The following PIK3C2G variants were observed in gnomAD, a reference collection of about 807,000 sequenced individuals.
PIK3C2G encodes phosphatidylinositol 3-kinase C2 domain-containing subunit gamma.
A neutral mutation model predicts 181.1 loss-of-function variants in PIK3C2G; 168 were observed. The ratio of observed to expected loss-of-function variants is 0.93; its 90% CI spans 0.82 to 1.05. The LOEUF (loss-of-function observed/expected upper bound fraction) is 1.05. Ranked by LOEUF, PIK3C2G falls within the 50% of genes least tolerant of loss-of-function variation. The probability of loss-of-function intolerance (pLI) is 0.00; values close to 1 mark genes in which losing one functional copy is unlikely to be tolerated. For synonymous variants in PIK3C2G, 573 were observed against 592.2 expected, an observed-to-expected ratio of 0.97 and a Z score of 0.47; for missense variants, 1,869 against 1,732.8, an observed-to-expected ratio of 1.08 and a Z score of -1.40.
chr12:18,343,397 G>GA lies in PIK3C2G; in HGVS notation c.1429+44dup, dbSNP rs111569198. 3.5e-5 allele frequency: 39 copies of GA among 1,118,932 alleles called. 2 individuals carry two copies. Among genetic ancestry groups the GA allele is most frequent in the African/African-American group, 3.2e-4 (20 of 62,074 alleles). 69.3% of individuals were successfully genotyped at this position (1,118,932 alleles called of 1,614,324 possible). A position where few individuals can be genotyped will look rare whatever the true frequency, so the allele number is the denominator to read the frequency against. On this transcript the variant is annotated intron_variant, in intron 10 of 32. Transcript: ENST00000538779. ...ATGTACTCAAGTATTTTGAAATAAA[G>GA]AAAAAAATAAGTTACAGAATCCAAA...
chr12:18,468,264 G>A (rs1233437285), intron 18 of PIK3C2G, among the ~76,000 whole-genome samples: 3 of 152,040 alleles, frequency 2.0e-5, no homozygotes, highest in African/African-American at 7.2e-5. Context: ...CTGGTCCAGA[G>A]CTCCAACTCT....
At chr12:18,656,957 A>G in the PIK3C2G span, among the ~76,000 whole-genome samples, 3 of 152,258 alleles carry the variant, frequency 2.0e-5, no homozygotes, top group Middle Eastern at 3.4e-3. Context: ...AGGCAGCCCT[A>G]ATGACAGCAG....
At chr12:18,384,728 C>T (rs961118254) in intron 14 of PIK3C2G, among the ~76,000 whole-genome samples, 21 of 152,218 alleles carry the variant, frequency 1.4e-4, no homozygotes, top group Admixed American at 8.5e-4. Context: ...ATAGTGGCAC[C>T]GATTTCCACG....
chr12:18,568,433 A>G (rs951509756), intron 29 of PIK3C2G, among the ~76,000 whole-genome samples: 2 of 150,246 alleles, frequency 1.3e-5, no homozygotes, highest in East Asian at 1.9e-4. Flanking sequence ...TGTGAGACAG[A>G]GAGAGAAAGA....
chr12:18,566,413 A>G (rs547608878), intron 28 of PIK3C2G, among the ~76,000 whole-genome samples: 12 of 152,272 alleles, frequency 7.9e-5, no homozygotes, highest in Non-Finnish European at 1.5e-4. Context: ...ATGAAGTCCA[A>G]CCCATCAAGA....
chr12:18,347,437 T>C (rs1421369124), intron 11 of PIK3C2G, among the ~76,000 whole-genome samples: 1 of 152,204 alleles, frequency 6.6e-6, no homozygotes, highest in Non-Finnish European at 1.5e-5. Context: ...GTTGATAAGA[T>C]AGTAATTTGG....
At chr12:18,467,371 G>T (rs1407837797) in intron 18 of PIK3C2G, among the ~76,000 whole-genome samples, 2 of 151,772 alleles carry the variant, frequency 1.3e-5, no homozygotes, top group Non-Finnish European at 2.9e-5. Flanking sequence ...GCATGCAAAG[G>T]GTAATATTTC....
chr12:18,482,823 A>G (rs183091901), intron 18 of PIK3C2G, among the ~76,000 whole-genome samples: 65 of 152,288 alleles, frequency 4.3e-4, no homozygotes, highest in Admixed American at 4.2e-3. Flanking sequence ...GACTCACTCT[A>G]TTCCTCACTG....
At chr12:18,513,144 C>A (rs1193102881) in intron 24 of PIK3C2G, among the ~76,000 whole-genome samples, 1 of 151,780 alleles carries the variant, frequency 6.6e-6, no homozygotes, top group African/African-American at 2.4e-5. Context: ...GGGTAAATCC[C>A]TCTGGACCAT....
chr12:18,399,817 C>T lies in PIK3C2G; in HGVS notation c.2285C>T (p.Pro762Leu), dbSNP rs1944141004. 1 of 1,598,840 alleles carries T rather than the reference C, an allele frequency of 6.3e-7. No individual in the cohort carries two copies. Among genetic ancestry groups the T allele is most frequent in the Non-Finnish European group, 8.6e-7 (1 of 1,169,142 alleles). Residue 762 changes from proline to leucine, a missense_variant, in exon 16 of 33, where the codon CCT becomes CTT. Transcript: ENST00000538779. ...TTGAGAAGATGGACATTTTCTCAAC[C>T]TTTAGAGGCTCTTGGGCTTTTGACT... ...TILRRWTFSQ[P>L]LEALGLLTSS...
chr12:18,616,937 T>C (rs1028920713), intron 31 of PIK3C2G, among the ~76,000 whole-genome samples: 1 of 152,294 alleles, frequency 6.6e-6, no homozygotes. Context: ...ATCCAGTAGT[T>C]AAAATACTTT....
rs1555132238 is a variant in PIK3C2G, at chr12:18,570,336, G to GATA, written c.4011+3279_4011+3280insATA. On this transcript the variant is annotated intron_variant, in intron 29 of 32. Coordinates refer to ENST00000538779, the MANE Select transcript of PIK3C2G (RefSeq NM_001288772.2). ...CAATTCTCCCGCCTCAGCCTCCCCA[G>GATA]TAGCTGGGATTACAGGCGCCCACCA... Among the ~76,000 whole-genome samples, 311 of 150,764 alleles carry GATA rather than the reference G, an allele frequency of 2.1e-3. 8 individuals are homozygous for GATA. Among genetic ancestry groups the GATA allele is most frequent in the African/African-American group, 5.1e-3 (209 of 40,596 alleles).
chr12:18,592,956 G>GTT (rs999806276), intron 29 of PIK3C2G, among the ~76,000 whole-genome samples: 4 of 152,048 alleles, frequency 2.6e-5, no homozygotes, highest in African/African-American at 9.6e-5. Context: ...TTGTTTCACA[G>GTT]TTCTGGAAGC....
chr12:18,701,831 T>C, the PIK3C2G span: 1 of 1,548,974 alleles, frequency 6.5e-7, no homozygotes, highest in Admixed American at 1.9e-5. Flanking sequence ...ATTTGCATTG[T>C]AACAGTCACT....
At position 18,290,939 on chromosome 12, in the gene PIK3C2G, C is replaced by T; in HGVS notation, c.846C>T (p.Leu282=). ...CTACTACAGCATTTCCGTATCAGCT[C>T]TTTTCTAAGACCAAGTTTAATATAC... is the stretch of plus-strand genomic sequence containing the variant. ...WSTTTAFPYQ[L]FSKTKFNIHI... The change falls in exon 4 of 33, where the codon CTC becomes CTT. Residue 282 remains leucine, a synonymous_variant. Coordinates refer to ENST00000538779, the MANE Select transcript of PIK3C2G (RefSeq NM_001288772.2). The T allele has an allele frequency of 6.3e-7, 1 of 1,587,542 alleles. No homozygotes were observed. The highest frequency in any genetic ancestry group is 8.6e-7 in the Non-Finnish European group (1 of 1,156,078).
chr12:18,455,062 T>C (rs1947551588), intron 18 of PIK3C2G, among the ~76,000 whole-genome samples: 1 of 152,194 alleles, frequency 6.6e-6, no homozygotes. Context: ...CTCAAGTGAT[T>C]GCTGGCAGCA....
chr12:18,581,019 G>A (rs1364571662), intron 29 of PIK3C2G, among the ~76,000 whole-genome samples: 2 of 152,170 alleles, frequency 1.3e-5, no homozygotes, highest in East Asian at 3.8e-4. Context: ...GCCTTTGCAA[G>A]TACTTTAACT....
In PIK3C2G at chr12:18,362,950, T is replaced by A. The variant is rs531667949; in HGVS notation, c.1748+64T>A. 53 of 1,298,462 alleles carry A rather than the reference T, an allele frequency of 4.1e-5. No individual in the cohort carries two copies. The African/African-American group carries it at 6.8e-4, about 17-fold the overall frequency. 80.4% of individuals were successfully genotyped at this position (1,298,462 alleles called of 1,614,324 possible). On this transcript the variant is annotated intron_variant, in intron 12 of 32. Coordinates refer to ENST00000538779, the MANE Select transcript of PIK3C2G (RefSeq NM_001288772.2). ...ATAAATGTCAGCTTTTTCCCCCTTT[T>A]TTTAAAAGCAAGGGATGTAATTTAA...
At chr12:18,637,253 C>A (rs185254442) in intron 31 of PIK3C2G, among the ~76,000 whole-genome samples, 12 of 152,222 alleles carry the variant, frequency 7.9e-5, no homozygotes, top group Admixed American at 3.3e-4. Context: ...TGGATAGTAT[C>A]CAAGAGTCTT....
Sources: allele counts gnomAD v4.1 joint callset (sites outside exome capture counted in the v4.1 genomes callset), GRCh38; gene constraint gnomAD v4.1.1; transcripts MANE v1.5; gene names NCBI Gene and HGNC (gene_info 2026-07-23, HGNC 2026-07-21).